TRMT61B: variants seen among roughly 807,000 people sequenced by gnomAD.
TRMT61B encodes tRNA methyltransferase 61B, also known as tRNA (adenine(58)-N(1))-methyltransferase, mitochondrial.
TRMT61B carries 56 observed loss-of-function variants against 52.0 expected under a neutral mutation model. The observed-to-expected ratio is 1.08, with a 90% confidence interval of 0.87 to 1.35. The LOEUF (loss-of-function observed/expected upper bound fraction) is 1.35. Among genes scored for constraint, TRMT61B ranks in the 40% most tolerant of loss-of-function variants. The pLI is 0.00. For synonymous variants in TRMT61B, 206 were observed against 220.0 expected (o/e 0.94, Z 0.56); for missense variants, 650 against 577.9 (o/e 1.12, Z -1.28).
rs139225663 is a variant in TRMT61B, at chr2:28,870,240, C to A, written c.38G>T (p.Cys13Phe). The A allele has an allele frequency of 4.9e-5, 79 of 1,606,794 alleles. No homozygotes were observed. The highest frequency in any genetic ancestry group is 1.2e-4 in the South Asian group (11 of 90,644). Reference protein sequence around the residue: ...MAWCRGPVLLCLRQGLGTNSF... With the variant: ...MAWCRGPVLLFLRQGLGTNSF... ...ATTGGTTCCGAGCCCCTGCCGCAGG[C>A]ACAGCAAGACAGGACCGCGGCACCA... Residue 13 changes from cysteine to phenylalanine, a missense_variant, in exon 1 of 7, where the codon TGC becomes TTC. Coordinates refer to ENST00000306108, the MANE Select transcript of TRMT61B (RefSeq NM_017910.4).
chr2:28,851,466 G>C (rs931242032), intron 4 of TRMT61B, among the ~76,000 whole-genome samples, 168 bp from the exon 5 acceptor site: 1 of 152,098 alleles, frequency 6.6e-6, no homozygotes, highest in African/African-American at 2.4e-5. Flanking sequence ...AAAATTCTAA[G>C]TAAACAAACA....
chr2:28,852,490 C>T lies in TRMT61B; in HGVS notation c.1003G>A (p.Asp335Asn), dbSNP rs1669162962. Reference protein sequence around the residue: ...KSLTFDAVALDMLNPHVTLPV... With the variant: ...KSLTFDAVALNMLNPHVTLPV... Reference sequence around the variant, plus strand: ...AAAGTAACATGAGGATTTAACATATCCAAAGCTACCTGTGTGGGGGAAAAA... The same window carrying T: ...AAAGTAACATGAGGATTTAACATATTCAAAGCTACCTGTGTGGGGGAAAAA... Residue 335 changes from aspartate (D) to asparagine (N), a missense_variant, in exon 4 of 7, where the codon GAT (aspartate) becomes AAT (asparagine). Transcript: ENST00000306108. 2 of 1,605,468 alleles carry T rather than the reference C, an allele frequency of 1.2e-6. No individual in the cohort carries two copies. Among genetic ancestry groups the T allele is most frequent in the Non-Finnish European group, 1.7e-6 (2 of 1,175,000 alleles).
In TRMT61B at chr2:28,850,051, T is replaced by C. The variant is rs1293490840; in HGVS notation, c.*148A>G. On this transcript the variant is annotated 3_prime_UTR_variant, in exon 7 of 7. Coordinates refer to ENST00000306108, the MANE Select transcript of TRMT61B (RefSeq NM_017910.4). Reference sequence around the variant, plus strand: ...GCAGTTTTGCTATGTTATACATCTTTTAGTTGTTATTTTCAAAATTATATG... The same window carrying C: ...GCAGTTTTGCTATGTTATACATCTTCTAGTTGTTATTTTCAAAATTATATG... 2 of 1,157,080 alleles carry C rather than the reference T, an allele frequency of 1.7e-6. No individual in the cohort carries two copies. The highest frequency in any genetic ancestry group is 2.5e-6 in the Non-Finnish European group (2 of 800,020). The allele number at this position is 1,157,080 out of a possible 1,614,324, so 71.7% of individuals were successfully genotyped here. A position where few individuals can be genotyped will look rare whatever the true frequency, so the allele number is the denominator to read the frequency against.
At chr2:28,868,281 A>G (rs1016052244) in intron 1 of TRMT61B, among the ~76,000 whole-genome samples, 7 of 152,076 alleles carry the variant, frequency 4.6e-5, no homozygotes, top group Non-Finnish European at 1.0e-4. Flanking sequence ...TGCAAGAACA[A>G]TTCTCTTCCT....
intron 2 of TRMT61B, among the ~76,000 whole-genome samples, chr2:28,864,219 T>C (rs1009545647): frequency 1.5e-4 from 23 of 152,102 alleles, no homozygotes; most frequent in African/African-American, 5.1e-4. Flanking sequence ...GCCCTAACGA[T>C]ATATAACTCT....
chr2:28,862,508 A>G (rs1669651845), intron 2 of TRMT61B, among the ~76,000 whole-genome samples: 1 of 150,742 alleles, frequency 6.6e-6, no homozygotes, highest in African/African-American at 2.4e-5. Context: ...AACTTTTTGT[A>G]TTTTTGGTAG....
At chr2:28,851,437 G>A in intron 4 of TRMT61B, 139 bp from the exon 5 acceptor site, 1 of 545,592 alleles carries the variant, frequency 1.8e-6, no homozygotes, top group South Asian at 3.3e-5. Flanking sequence ...AAGTTAGGAG[G>A]CATAAAAAGT....
chr2:28,854,843 T>C (rs1669276128), intron 3 of TRMT61B, among the ~76,000 whole-genome samples: 1 of 150,526 alleles, frequency 6.6e-6, no homozygotes, highest in South Asian at 2.1e-4. Flanking sequence ...TCACCTGGGC[T>C]TGAGAAATCA....
At chr2:28,852,621 G>T (rs1026155448) in intron 3 of TRMT61B, 122 bp from the exon 4 acceptor site, 14 of 650,848 alleles carry the variant, frequency 2.2e-5, no homozygotes, top group South Asian at 1.4e-4. Context: ...TTTTTAGAAG[G>T]TAGTATTATT....
At chr2:28,860,357 T>C (rs1669551496) in intron 3 of TRMT61B, among the ~76,000 whole-genome samples, 2 of 135,586 alleles carry the variant, frequency 1.5e-5, no homozygotes, top group Admixed American at 1.6e-4. Flanking sequence ...AAACAGTCCA[T>C]CCTTCCAGCA....
chr2:28,851,673 A>C (rs758929837), intron 4 of TRMT61B, among the ~76,000 whole-genome samples: 49 of 152,172 alleles, frequency 3.2e-4, no homozygotes, highest in Non-Finnish European at 6.2e-4. Flanking sequence ...TGAGGTCAGG[A>C]GTTCCAGACC....
At chr2:28,851,381 T>A in intron 4 of TRMT61B, 83 bp from the exon 5 acceptor site, 1 of 916,132 alleles carries the variant, frequency 1.1e-6, no homozygotes, top group Non-Finnish European at 1.6e-6. Context: ...CTTGCCCACA[T>A]TTAAATACCA....
Position 28,865,672 on chromosome 2 carries a change from CTTTTTTT to C in TRMT61B, c.700-560_700-554del, listed in dbSNP as rs70958219. Among the ~76,000 whole-genome samples the C allele has an allele frequency of 8.2e-3, 657 of 80,130 alleles. 4 individuals are homozygous for C. Among genetic ancestry groups the C allele is most frequent in the African/African-American group, 0.031 (622 of 20,086 alleles). 52.6% of individuals were successfully genotyped at this position (80,130 alleles called of 152,430 possible). A position where few individuals can be genotyped will look rare whatever the true frequency, so the allele number is the denominator to read the frequency against. On this transcript the variant is annotated intron_variant, in intron 1 of 6. Coordinates refer to ENST00000306108, the MANE Select transcript of TRMT61B (RefSeq NM_017910.4). ...ATCTCTGCATAAAATGATGAATTTC[CTTTTTTT>C]TTTTTTTTTTTTTTTTGGGAGACGA...
At chr2:28,855,222 T>G (rs1328209861) in intron 3 of TRMT61B, among the ~76,000 whole-genome samples, 1 of 152,212 alleles carries the variant, frequency 6.6e-6, no homozygotes, top group Non-Finnish European at 1.5e-5. Context: ...CATAGAATCA[T>G]GCAGGCTTTA....
At chr2:28,851,949 T>C (rs1313459687) in intron 4 of TRMT61B, among the ~76,000 whole-genome samples, 1 of 131,626 alleles carries the variant, frequency 7.6e-6, no homozygotes, top group African/African-American at 2.9e-5. Flanking sequence ...TACAGTAATA[T>C]AAATGAACTT....
In TRMT61B at chr2:28,869,752, T is replaced by C. The variant is rs866555971; in HGVS notation, c.526A>G (p.Asn176Asp). 8.7e-6 allele frequency: 14 copies of C among 1,614,220 alleles called. 1 individual carries two copies. The Middle Eastern group carries it at 1.8e-3, about 209-fold the overall frequency. The change falls in exon 1 of 7, where the codon AAC (asparagine) becomes GAC (aspartate). Residue 176 changes from asparagine (N) to aspartate (D), a missense_variant. By Grantham distance (23) the Asn-to-Asp change is conservative. Coordinates refer to ENST00000306108, the MANE Select transcript of TRMT61B (RefSeq NM_017910.4). ...CAGTTACTATTTAAGAGTCCGAAGT[T>C]GTTCAACCTAAATAATTTCTTAAAT... The part of the protein sequence containing the change: ...TKFKKLFRLN[N>D]FGLLNSNWGA...
chr2:28,855,767 G>A (rs1669316014), intron 3 of TRMT61B, among the ~76,000 whole-genome samples: 1 of 152,100 alleles, frequency 6.6e-6, no homozygotes, highest in Admixed American at 6.6e-5. Flanking sequence ...TGAGGAGTTC[G>A]AGGCCAACCT....
At chr2:28,866,662 G>A (rs1041960134) in intron 1 of TRMT61B, among the ~76,000 whole-genome samples, 2 of 152,138 alleles carry the variant, frequency 1.3e-5, no homozygotes, top group Non-Finnish European at 2.9e-5. Context: ...GGGGGTAGGG[G>A]AGCCCTGCTA....
At chr2:28,863,425 C>T (rs182074080) in intron 2 of TRMT61B, among the ~76,000 whole-genome samples, 78 of 124,862 alleles carry the variant, frequency 6.2e-4, no homozygotes, top group African/African-American at 1.8e-3. Flanking sequence ...AGTGAGAACC[C>T]GCCTCAAAAA....
Sources: gnomAD v4.1 joint callset for allele counts (sites outside exome capture counted in the v4.1 genomes callset) on GRCh38, gnomAD v4.1.1 for gene constraint, MANE v1.5 for transcripts, NCBI Gene and HGNC (gene_info 2026-07-23, HGNC 2026-07-21) for gene names.